ZC3H3: variants seen among roughly 807,000 people sequenced by gnomAD.
The protein encoded by ZC3H3 is zinc finger CCCH-type containing 3.
In ZC3H3, 36 loss-of-function variants were observed where a neutral mutation model predicts 77.3. That is an observed-to-expected ratio of 0.47 (90% CI 0.36 to 0.61). ZC3H3 has a LOEUF of 0.61. Among genes scored for constraint, ZC3H3 ranks in the 20% least tolerant of loss-of-function variants. ZC3H3 has a pLI of 0.00. For synonymous variants in ZC3H3, 626 were observed against 555.2 expected (o/e 1.13, Z -1.79); for missense variants, 1,331 against 1,312.2 (o/e 1.01, Z -0.22).
At position 143,538,904 on chromosome 8, in the gene ZC3H3, T is replaced by A; in HGVS notation, c.463A>T (p.Ser155Cys). Residue 155 changes from serine (S) to cysteine (C), a missense_variant, in exon 2 of 12, where the codon AGT (serine) becomes TGT (cysteine). Transcript: ENST00000262577. ...TCACCTTCCCGGGGCCTTTGGTCAC[T>A]CCAGGGGGTTTCCTCAAATTCTTCC... ...SLEEFEETPW[S>C]DQRPREGEGE... The A allele has an allele frequency of 6.2e-7, 1 of 1,612,912 alleles. No homozygotes were observed. The highest frequency in any genetic ancestry group is 8.5e-7 in the Non-Finnish European group (1 of 1,179,996).
intron 5 of ZC3H3, among the ~76,000 whole-genome samples, chr8:143,472,864 G>A (rs1183888108): frequency 6.6e-6 from 1 of 152,214 alleles, no homozygotes; most frequent in African/African-American, 2.4e-5. Flanking sequence ...CCTTGGCCCT[G>A]TGCAGGGAGT....
chr8:143,522,614 A>C (rs916784728), intron 3 of ZC3H3, among the ~76,000 whole-genome samples: 23 of 145,916 alleles, frequency 1.6e-4, no homozygotes, highest in African/African-American at 4.6e-4. Context: ...CTTAAAAAAA[A>C]ACACACACAC....
chr8:143,534,423 C>T (rs760784018), intron 3 of ZC3H3, among the ~76,000 whole-genome samples: 14 of 152,032 alleles, frequency 9.2e-5, no homozygotes, highest in African/African-American at 2.2e-4. Context: ...GGCAGGAGTC[C>T]GGGGGGCGCC....
chr8:143,441,510 G>C (rs1236950155), intron 9 of ZC3H3, among the ~76,000 whole-genome samples: 2 of 152,194 alleles, frequency 1.3e-5, no homozygotes, highest in Non-Finnish European at 2.9e-5. Flanking sequence ...GGTGTGGCTA[G>C]AGACCTGGGG....
At chr8:143,512,147 C>A (rs1821888084) in intron 3 of ZC3H3, among the ~76,000 whole-genome samples, 1 of 152,226 alleles carries the variant, frequency 6.6e-6, no homozygotes, top group Admixed American at 6.5e-5. Context: ...GCAAGGAGAG[C>A]GAGCAGGGAA....
intron 4 of ZC3H3, among the ~76,000 whole-genome samples, chr8:143,498,492 G>A (rs893672804): frequency 6.6e-6 from 1 of 152,112 alleles, no homozygotes; most frequent in African/African-American, 2.4e-5. Context: ...AGGAAGGGCC[G>A]TGGAGGCTGT....
chr8:143,485,179 G>A (rs1190079528), intron 4 of ZC3H3, among the ~76,000 whole-genome samples: 1 of 152,240 alleles, frequency 6.6e-6, no homozygotes, highest in Non-Finnish European at 1.5e-5. Context: ...AGTCCCCCTG[G>A]TGCTGAGAAC....
At chr8:143,485,781 C>T (rs1240836651) in intron 4 of ZC3H3, among the ~76,000 whole-genome samples, 1 of 152,216 alleles carries the variant, frequency 6.6e-6, no homozygotes, top group Non-Finnish European at 1.5e-5. Flanking sequence ...GCAAATCACA[C>T]AAAAACAGGC....
chr8:143,511,261 G>A (rs576117453), intron 3 of ZC3H3, among the ~76,000 whole-genome samples: 2 of 152,258 alleles, frequency 1.3e-5, no homozygotes, highest in Non-Finnish European at 2.9e-5. Context: ...CAGGAGTCCT[G>A]CAGAGCCTGG....
chr8:143,505,255 G>A (rs1053273134), intron 4 of ZC3H3, among the ~76,000 whole-genome samples: 3 of 152,246 alleles, frequency 2.0e-5, no homozygotes, highest in African/African-American at 7.2e-5. Flanking sequence ...CCTCTCCATG[G>A]CAGCCCTTAG....
chr8:143,475,769 C>A (rs1820716790), intron 4 of ZC3H3, among the ~76,000 whole-genome samples, 184 bp from the exon 5 acceptor site: 1 of 152,302 alleles, frequency 6.6e-6, no homozygotes, highest in African/African-American at 2.4e-5. Flanking sequence ...GACCTCTGTC[C>A]CCCTCTGGCC....
At position 143,462,811 on chromosome 8, in the gene ZC3H3, G is replaced by A. The variant is rs60538272; in HGVS notation, c.2307+2906C>T. ...CTGTCACCCCTGCACACGTGCACACGATGCTCCCCAGCCCTGTGCACTGGG... is the reference window on the plus strand; with the variant it reads ...CTGTCACCCCTGCACACGTGCACACAATGCTCCCCAGCCCTGTGCACTGGG... On this transcript the variant is annotated intron_variant, in intron 9 of 11. Coordinates refer to ENST00000262577, the MANE Select transcript of ZC3H3 (RefSeq NM_015117.3). This position sits in a 1 kb window ranked among gnomAD's most constrained non-coding sequence, Gnocchi z 4.7. Among the ~76,000 whole-genome samples, 6,354 of 152,236 alleles carry A rather than the reference G, an allele frequency of 0.042. 442 individuals carry two copies. The highest frequency in any genetic ancestry group is 0.14 in the African/African-American group (5,955 of 41,504).
Position 143,494,378 on chromosome 8 carries a change from C to T in ZC3H3, c.1715+13368G>A, listed in dbSNP as rs1162029381. Among the ~76,000 whole-genome samples, 1 of 152,236 alleles carries T rather than the reference C, an allele frequency of 6.6e-6. No homozygotes were observed. Among genetic ancestry groups the T allele is most frequent in the Non-Finnish European group, 1.5e-5 (1 of 68,040 alleles). On this transcript the variant is annotated intron_variant, in intron 4 of 11. Coordinates refer to ENST00000262577, the MANE Select transcript of ZC3H3 (RefSeq NM_015117.3). This position sits in a 1 kb window ranked among gnomAD's most constrained non-coding sequence, Gnocchi z 5.3. ...CCCGCCAGCCCTCCCTCTGAGCAGG[C>T]CCCAGGCTCTGGGTGGGAAAAGCAC...
intron 3 of ZC3H3, among the ~76,000 whole-genome samples, chr8:143,520,618 C>T (rs532022535): frequency 2.4e-4 from 36 of 152,334 alleles, no homozygotes; most frequent in Admixed American, 1.4e-3. Flanking sequence ...AGTTTTGCGT[C>T]CTCCAATCCT....
intron 3 of ZC3H3, among the ~76,000 whole-genome samples, chr8:143,531,423 G>A (rs890709252): frequency 6.6e-5 from 10 of 152,216 alleles, no homozygotes; most frequent in South Asian, 4.1e-4. Context: ...AGAGGACTTC[G>A]GAGGGCCGGG....
chr8:143,451,167 C>G (rs988887421), intron 9 of ZC3H3, among the ~76,000 whole-genome samples: 7 of 152,098 alleles, frequency 4.6e-5, no homozygotes, highest in African/African-American at 1.7e-4. Flanking sequence ...GACACGGGAA[C>G]AGGTGCTCCC....
At chr8:143,461,031 C>T (rs1256878880) in intron 9 of ZC3H3, among the ~76,000 whole-genome samples, 1 of 152,078 alleles carries the variant, frequency 6.6e-6, no homozygotes, top group Non-Finnish European at 1.5e-5. Flanking sequence ...AATGTTTCCA[C>T]GGTGTTGTGA....
chr8:143,507,705 C>G (rs1226305033), intron 4 of ZC3H3, 41 bp downstream of exon 4: 3 of 1,505,320 alleles, frequency 2.0e-6, no homozygotes, highest in Non-Finnish European at 2.7e-6. Context: ...CCAGACAGCC[C>G]AGTTCCCAGG....
Position 143,441,046 on chromosome 8 carries a change from C to G in ZC3H3, c.2382G>C (p.Gln794His), listed in dbSNP as rs1404351334. 2 of 1,489,020 alleles carry G rather than the reference C, an allele frequency of 1.3e-6. No individual in the cohort carries two copies. The highest frequency in any genetic ancestry group is 1.8e-6 in the Non-Finnish European group (2 of 1,130,100). The allele number at this position is 1,489,020 out of a possible 1,614,324, so 92.2% of individuals were successfully genotyped here. The change falls in exon 10 of 12, where the codon CAG becomes CAC. Residue 794 changes from glutamine to histidine, a missense_variant. This residue lies in a region of ZC3H3 where 249 missense variants were observed against 236.9 expected (regional missense o/e 1.05). Coordinates refer to ENST00000262577, the MANE Select transcript of ZC3H3 (RefSeq NM_015117.3). Reference sequence around the variant, plus strand: ...GGCGTTTCTGGGTACGGTGGAGCAGCTGGCACTGGGCGCCGCGGGGACACG... The same window carrying G: ...GGCGTTTCTGGGTACGGTGGAGCAGGTGGCACTGGGCGCCGCGGGGACACG... ...RGACPRGAQC[Q>H]LLHRTQKRHS...
Sources: allele counts gnomAD v4.1 joint callset (sites outside exome capture counted in the v4.1 genomes callset), GRCh38; gene constraint gnomAD v4.1.1; regional missense constraint gnomAD v4.1.1; non-coding constraint Gnocchi (gnomAD v3.1); transcripts MANE v1.5; gene names NCBI Gene and HGNC (gene_info 2026-07-23, HGNC 2026-07-21).